BLK: variants seen among roughly 807,000 people sequenced by gnomAD.
BLK encodes the protein BLK proto-oncogene, Src family tyrosine kinase, also known as tyrosine-protein kinase Blk.
In BLK, 64 loss-of-function variants were observed where a neutral mutation model predicts 61.8. The observed-to-expected ratio is 1.03, with a 90% CI of 0.85 to 1.27. The LOEUF (loss-of-function observed/expected upper bound fraction) is 1.27, where lower values mean the gene tolerates loss of function less well. BLK is among the 50% of genes most tolerant of loss of function. The pLI, the probability that BLK is intolerant of heterozygous loss-of-function variation, is 0.00. For missense variants in BLK, 853 were observed against 660.5 expected (o/e 1.29, Z -3.19); for synonymous variants, 351 against 272.0 (o/e 1.29, Z -2.86).
At chr8:11,500,103 C>T (rs1798499945) in intron 1 of BLK, among the ~76,000 whole-genome samples, 1 of 152,208 alleles carries the variant, frequency 6.6e-6, no homozygotes, top group Non-Finnish European at 1.5e-5. Context: ...AGCCAACCTG[C>T]AGTCAAATGT....
intron 10 of BLK, among the ~76,000 whole-genome samples, chr8:11,559,462 G>T (rs1054868858): frequency 6.6e-6 from 1 of 150,948 alleles, no homozygotes; most frequent in African/African-American, 2.4e-5. Flanking sequence ...CACAGACTCA[G>T]ACTCAAACAC....
rs751094359 is a variant in BLK at position 11,550,240 on chromosome 8, C to CAG, written c.457_458dup (p.Ser153ArgfsTer13). The CAG allele has an allele frequency of 5.0e-6, 8 of 1,613,784 alleles. No individual in the cohort carries two copies. The highest frequency in any genetic ancestry group is 6.8e-6 in the Non-Finnish European group (8 of 1,179,962). ...TCAACAAGGCCGGCTCCTTTCTTAT[C>CAG]AGAGAGAGTGAAACCAACAAAGGTA... On this transcript the variant is annotated frameshift_variant, in exon 6 of 13. Coordinates refer to ENST00000259089, the MANE Select transcript of BLK (RefSeq NM_001715.3). LOFTEE classifies it high-confidence loss of function.
intron 1 of BLK, among the ~76,000 whole-genome samples, chr8:11,516,385 C>T (rs1461406494): frequency 2.0e-5 from 3 of 152,214 alleles, no homozygotes; most frequent in South Asian, 2.1e-4. Flanking sequence ...GTGGGTCTCA[C>T]GACCGCCCTT....
intron 3 of BLK, among the ~76,000 whole-genome samples, chr8:11,547,310 C>T (rs1052616006): frequency 6.6e-6 from 1 of 152,240 alleles, no homozygotes; most frequent in Non-Finnish European, 1.5e-5. Context: ...ACACTCAGCT[C>T]AGTGACAGAG....
chr8:11,523,561 C>T (rs553742350), intron 1 of BLK, among the ~76,000 whole-genome samples: 50 of 151,224 alleles, frequency 3.3e-4, no homozygotes, highest in African/African-American at 1.1e-3. Context: ...TCAAAACAAA[C>T]AAAAAAAATT....
chr8:11,496,430 A>G (rs552182707), intron 1 of BLK, among the ~76,000 whole-genome samples: 1 of 152,174 alleles, frequency 6.6e-6, no homozygotes, highest in South Asian at 2.1e-4. Context: ...TTTTGAAGAG[A>G]TGGGGTCTCG....
intron 1 of BLK, among the ~76,000 whole-genome samples, chr8:11,541,668 T>C (rs1800387849): frequency 6.6e-6 from 1 of 152,152 alleles, no homozygotes; most frequent in Non-Finnish European, 1.5e-5. Context: ...TGGCTAATTT[T>C]TGTATTTTTA....
intron 1 of BLK, among the ~76,000 whole-genome samples, chr8:11,516,795 A>T (rs1469032462): frequency 6.6e-6 from 1 of 152,338 alleles, no homozygotes; most frequent in East Asian, 1.9e-4. Context: ...TCCATTGTAC[A>T]TATAGCCCAC....
intron 2 of BLK, chr8:11,545,832 G>T: frequency 1.6e-6 from 1 of 608,880 alleles, no homozygotes; most frequent in Admixed American, 2.6e-5. Flanking sequence ...GCATCCCCCA[G>T]CGCGGTCAGG....
chr8:11,511,592 G>T (rs1585332853), intron 1 of BLK, among the ~76,000 whole-genome samples: 2 of 152,302 alleles, frequency 1.3e-5, no homozygotes, highest in Admixed American at 1.3e-4. Flanking sequence ...AGAACATGGG[G>T]TGTAATTCAA....
intron 1 of BLK, among the ~76,000 whole-genome samples, chr8:11,506,937 A>G (rs957667769): frequency 2.0e-5 from 3 of 152,234 alleles, no homozygotes; most frequent in African/African-American, 7.2e-5. Flanking sequence ...TGAAAGCAGG[A>G]AAGTTCTTTT....
At chr8:11,511,539 T>G (rs1799008386) in intron 1 of BLK, among the ~76,000 whole-genome samples, 1 of 152,236 alleles carries the variant, frequency 6.6e-6, no homozygotes, top group Non-Finnish European at 1.5e-5. Context: ...TTAGAAATTC[T>G]GTCTTAAATT....
At chr8:11,558,941 A>T (rs1258542902) in intron 10 of BLK, 1 of 454,468 alleles carries the variant, frequency 2.2e-6, no homozygotes, top group Non-Finnish European at 4.4e-6. Context: ...AACTGATGCC[A>T]CAACGCCTTT....
At chr8:11,534,933 G>A (rs541341080) in intron 1 of BLK, among the ~76,000 whole-genome samples, 10 of 152,284 alleles carry the variant, frequency 6.6e-5, no homozygotes, top group African/African-American at 2.4e-4. Context: ...CAGAACTTTG[G>A]GAGGCTGAAG....
intron 2 of BLK, among the ~76,000 whole-genome samples, chr8:11,544,694 G>A (rs893024437): frequency 6.6e-6 from 1 of 152,128 alleles, no homozygotes; most frequent in African/African-American, 2.4e-5. Context: ...ACTATGTAGA[G>A]TCACCAGAGT....
At chr8:11,524,019 C>T (rs1799554503) in intron 1 of BLK, among the ~76,000 whole-genome samples, 1 of 151,926 alleles carries the variant, frequency 6.6e-6, no homozygotes, top group Non-Finnish European at 1.5e-5. Flanking sequence ...GGAAACATAG[C>T]TTAAAAATAT....
At chr8:11,563,173 G>C in intron 12 of BLK, 63 bp downstream of exon 12, 3 of 1,608,790 alleles carry the variant, frequency 1.9e-6, no homozygotes, top group South Asian at 2.2e-5. Flanking sequence ...ATGGCAGGTC[G>C]CCTGTGCTTG....
At chr8:11,530,093 T>C (rs2618439) in intron 1 of BLK, among the ~76,000 whole-genome samples, 2,591 of 152,334 alleles carry the variant, frequency 0.017, 44 homozygotes, top group African/African-American at 0.045. Flanking sequence ...TTATTATACT[T>C]TGCCTAATTA....
intron 1 of BLK, among the ~76,000 whole-genome samples, chr8:11,531,665 T>C (rs941830948): frequency 6.6e-6 from 1 of 152,198 alleles, no homozygotes. Flanking sequence ...AGTTTCATAG[T>C]CTTTCTGGTA....
Sources: gnomAD v4.1 joint callset for allele counts (sites outside exome capture counted in the v4.1 genomes callset) on GRCh38, gnomAD v4.1.1 for gene constraint, MANE v1.5 for transcripts, NCBI Gene and HGNC (gene_info 2026-07-23, HGNC 2026-07-21) for gene names.